The following RHOBTB1 variants were observed in gnomAD, a reference collection of about 807,000 sequenced individuals.
RHOBTB1 encodes the protein Rho related BTB domain containing 1.
A neutral mutation model predicts 71.6 loss-of-function variants in RHOBTB1; 40 were observed. That is an observed-to-expected ratio of 0.56 (90% confidence interval 0.43 to 0.73). RHOBTB1 has a LOEUF of 0.73. Among genes scored for constraint, RHOBTB1 ranks in the 30% least tolerant of loss-of-function variants. The pLI is 0.00. For synonymous variants in RHOBTB1, 319 were observed against 334.9 expected, an observed-to-expected ratio of 0.95 and a Z score of 0.52; for missense variants, 797 against 894.0, an observed-to-expected ratio of 0.89 and a Z score of 1.38.
chr10:60,973,089 A>G (rs2086213720), intron 2 of RHOBTB1, among the ~76,000 whole-genome samples: 1 of 151,974 alleles, frequency 6.6e-6, no homozygotes, highest in South Asian at 2.1e-4. Flanking sequence ...TATGTCTGTT[A>G]ATTTTTTTTT....
rs76442845 is a variant in RHOBTB1, at chr10:60,953,104, C to T, written c.-61-11250G>A. 3.9e-3 allele frequency among the ~76,000 whole-genome samples: 600 copies of T among 151,996 alleles called. 4 individuals carry two copies. Among genetic ancestry groups the T allele is most frequent in the African/African-American group, 0.014 (560 of 41,442 alleles). On this transcript the variant is annotated intron_variant, in intron 2 of 11. Coordinates refer to the RHOBTB1 transcript ENST00000357917. ...GATGAGATAAAATGGGAAAGTCATGCGGAAAAACACACAGCCCATTTCAAC... is the reference window on the plus strand; with the variant it reads ...GATGAGATAAAATGGGAAAGTCATGTGGAAAAACACACAGCCCATTTCAAC...
chr10:60,923,470 T>C (rs933640160), intron 2 of RHOBTB1, among the ~76,000 whole-genome samples: 2 of 152,212 alleles, frequency 1.3e-5, no homozygotes, highest in African/African-American at 4.8e-5. Flanking sequence ...TTGAAAATGT[T>C]GTAAAATTAA....
chr10:60,961,756 T>A (rs573147011), intron 2 of RHOBTB1, among the ~76,000 whole-genome samples: 3 of 152,214 alleles, frequency 2.0e-5, no homozygotes, highest in Non-Finnish European at 4.4e-5. Context: ...GTTATTTTTC[T>A]ATGAATATAT....
In RHOBTB1 at chr10:60,958,745, T is replaced by G. The variant is rs186815735; in HGVS notation, c.-61-16891A>C. ...TCTCCTGAGTAGCTGGGATTACAGG[T>G]GTGCACCACCATGCCCAGTAAATTT... On this transcript the variant is annotated intron_variant, in intron 2 of 11. Transcript: ENST00000357917. Among the ~76,000 whole-genome samples, 639 of 152,106 alleles carry G rather than the reference T, an allele frequency of 4.2e-3. 5 individuals carry two copies. The highest frequency in any genetic ancestry group is 0.011 in the Admixed American group (175 of 15,280).
intron 2 of RHOBTB1, among the ~76,000 whole-genome samples, chr10:60,961,594 CA>C (rs1400473616): frequency 6.6e-6 from 1 of 152,090 alleles, no homozygotes; most frequent in Admixed American, 6.6e-5. Context: ...TAACAATTTT[CA>C]AACTATGTGA....
chr10:60,911,375 A>G lies in RHOBTB1; in HGVS notation c.168T>C (p.Ile56=). ...CCTCCTGGCACACGCGGTACTGGTC[A>G]ATCGCCCACACTGTTGGCACGTGGG... is the stretch of plus-strand genomic sequence containing the variant. ...LATHVPTVWA[I]DQYRVCQEVL... Residue 56 remains isoleucine (I), a synonymous_variant, in exon 3 of 11, where the codon ATT becomes ATC. Transcript: ENST00000337910. The G allele has an allele frequency of 1.2e-6, 2 of 1,613,846 alleles. No homozygotes were observed. Among genetic ancestry groups the G allele is most frequent in the Non-Finnish European group, 1.7e-6 (2 of 1,179,776 alleles).
intron 2 of RHOBTB1, among the ~76,000 whole-genome samples, chr10:60,934,084 A>C (rs898085987): frequency 2.0e-5 from 3 of 152,222 alleles, no homozygotes; most frequent in African/African-American, 7.2e-5. Context: ...TGTGACATAA[A>C]GAAATTTTAC....
chr10:60,993,423 T>C (rs930292854), intron 1 of RHOBTB1, among the ~76,000 whole-genome samples: 2 of 152,216 alleles, frequency 1.3e-5, no homozygotes, highest in Admixed American at 1.3e-4. Context: ...AGAGGTAGTT[T>C]CTATTATATA....
chr10:60,965,896 A>G (rs1322234184), intron 2 of RHOBTB1, among the ~76,000 whole-genome samples: 1 of 152,154 alleles, frequency 6.6e-6, no homozygotes, highest in African/African-American at 2.4e-5. Context: ...TGAGGAAATA[A>G]AGGGAGGAAC....
downstream of RHOBTB1, among the ~76,000 whole-genome samples, chr10:60,865,951 C>A (rs1441901627): frequency 1.3e-5 from 2 of 152,178 alleles, no homozygotes; most frequent in Non-Finnish European, 2.9e-5. Flanking sequence ...CCTGCCTCAG[C>A]CTCCTGAGTA....
At position 60,888,822 on chromosome 10, in the gene RHOBTB1, T is replaced by C. The variant is rs1180568851; in HGVS notation, c.846A>G (p.Arg282=). 3 of 1,614,182 alleles carry C rather than the reference T, an allele frequency of 1.9e-6. No homozygotes were observed. The East Asian group carries it at 6.7e-5, about 36-fold the overall frequency. ...LQDQEHIFAH[R]IYLATSSSKF... is the part of the protein sequence containing the mutation. ...TGGAAGAAGAGGTAGCGAGGTAAAT[T>C]CGATGTGCAAAGATGTGTTCCTGGT... Residue 282 remains arginine (R), a synonymous_variant, in exon 6 of 11, where the codon CGA becomes CGG. Transcript: ENST00000337910.
At chr10:60,976,332 T>C (rs2086313972) in intron 2 of RHOBTB1, among the ~76,000 whole-genome samples, 1 of 151,542 alleles carries the variant, frequency 6.6e-6, no homozygotes, top group Non-Finnish European at 1.5e-5. Flanking sequence ...TATATATATA[T>C]TCTTTTCTAT....
chr10:60,892,784 G>T, intron 5 of RHOBTB1, 26 bp downstream of exon 5: 1 of 1,599,906 alleles, frequency 6.3e-7, no homozygotes, highest in South Asian at 1.1e-5. Flanking sequence ...GGTCAGGACA[G>T]GGAAACACTG....
chr10:60,994,073 T>C (rs1385646645), intron 1 of RHOBTB1, among the ~76,000 whole-genome samples: 3 of 152,142 alleles, frequency 2.0e-5, no homozygotes, highest in Non-Finnish European at 4.4e-5. Flanking sequence ...ACTCAAAATA[T>C]TAGAAATTAT....
At chr10:60,869,433 A>G (rs1011223141), downstream of RHOBTB1, 1 of 152,658 alleles carries the variant, frequency 6.6e-6, no homozygotes. Context: ...ACAAAACTGG[A>G]GGCATTTTAT....
intron 1 of RHOBTB1, among the ~76,000 whole-genome samples, chr10:60,993,658 T>C (rs986060607): frequency 6.6e-6 from 1 of 152,172 alleles, no homozygotes; most frequent in African/African-American, 2.4e-5. Flanking sequence ...TCATTTTTTC[T>C]TACCTATTTG....
At chr10:60,987,620 A>C (rs2086710183) in intron 1 of RHOBTB1, among the ~76,000 whole-genome samples, 1 of 152,040 alleles carries the variant, frequency 6.6e-6, no homozygotes, top group African/African-American at 2.4e-5. Context: ...TCCTGCTTCC[A>C]ATCTCCCATC....
At chr10:60,922,521 A>T (rs2083625316) in intron 2 of RHOBTB1, among the ~76,000 whole-genome samples, 1 of 152,170 alleles carries the variant, frequency 6.6e-6, no homozygotes, top group Admixed American at 6.5e-5. Flanking sequence ...TGATAACACC[A>T]CTGATGACCA....
rs770348507 is a variant in RHOBTB1, at chr10:60,874,911, T to G, written c.1815+43A>C. 1.0e-4 allele frequency: 133 copies of G among 1,304,204 alleles called. 1 individual carries two copies. The highest frequency in any genetic ancestry group is 9.0e-4 in the South Asian group (76 of 84,788). 80.8% of individuals were successfully genotyped at this position (1,304,204 alleles called of 1,614,324 possible). A position where few individuals can be genotyped will look rare whatever the true frequency, so the allele number is the denominator to read the frequency against. Reference sequence around the variant, plus strand: ...AATGTTTTATCAGCATTAAATGAACTGATTGAACACACTTAAAAGGTAAAA... The same window carrying G: ...AATGTTTTATCAGCATTAAATGAACGGATTGAACACACTTAAAAGGTAAAA... On this transcript the variant is annotated intron_variant, in intron 9 of 10. Transcript: ENST00000337910.
Sources: gnomAD v4.1 joint callset for allele counts (sites outside exome capture counted in the v4.1 genomes callset) on GRCh38, gnomAD v4.1.1 for gene constraint, MANE v1.5 for transcripts, NCBI Gene and HGNC (gene_info 2026-07-23, HGNC 2026-07-21) for gene names.